SIPA1: variants seen among roughly 807,000 people sequenced by gnomAD.
SIPA1 encodes signal-induced proliferation-associated protein 1.
SIPA1 carries 51 observed loss-of-function variants against 88.1 expected under a neutral mutation model. The observed-to-expected ratio is 0.58, with a 90% CI of 0.46 to 0.73. The LOEUF (loss-of-function observed/expected upper bound fraction) is 0.73, where lower values mean the gene tolerates loss of function less well. Among genes scored for constraint, SIPA1 ranks in the 30% least tolerant of loss-of-function variants. SIPA1 has a pLI of 0.00. For missense variants in SIPA1, 1,348 were observed against 1,467.6 expected (o/e 0.92, Z 1.33); for synonymous variants, 681 against 664.8 (o/e 1.02, Z -0.37).
At position 65,647,420 on chromosome 11, in the gene SIPA1, C is replaced by G; in HGVS notation, c.2068C>G (p.Leu690Val). 1 of 1,473,754 alleles carries G rather than the reference C, an allele frequency of 6.8e-7. No individual in the cohort carries two copies. The highest frequency in any genetic ancestry group is 1.3e-5 in the South Asian group (1 of 79,214). 91.3% of individuals were successfully genotyped at this position (1,473,754 alleles called of 1,614,324 possible). A position where few individuals can be genotyped will look rare whatever the true frequency, so the allele number is the denominator to read the frequency against. Residue 690 changes from leucine to valine, a missense_variant, in exon 9 of 16, where the codon CTG (leucine) becomes GTG (valine). Physicochemically the swap from Leu to Val is conservative, Grantham distance 32 (BLOSUM62 1). This residue lies in a region of SIPA1 where 615 missense variants were observed against 559.8 expected (regional missense o/e 1.10). Transcript: ENST00000534313. Reference protein sequence around the residue: ...SRGCETRELALPRDGQGRLGF... With the variant: ...SRGCETRELAVPRDGQGRLGF... ...TGGCTGCGAGACCCGCGAGCTGGCG[C>G]TGCCCCGCGACGGTCAAGGCCGCCT...
intron 14 of SIPA1, 49 bp from the exon 15 acceptor site, chr11:65,650,352 C>G: frequency 6.3e-7 from 1 of 1,590,616 alleles, no homozygotes; most frequent in Non-Finnish European, 8.6e-7. Flanking sequence ...TCAGCTGGTG[C>G]ACTGCCCCCT....
Position 65,649,468 on chromosome 11 carries a change from T to G in SIPA1, c.2513T>G (p.Leu838Arg). 6.2e-7 allele frequency: 1 copy of G among 1,613,168 alleles called. No individual in the cohort carries two copies. The highest frequency in any genetic ancestry group is 1.1e-5 in the South Asian group (1 of 90,946). Residue 838 changes from leucine to arginine, a missense_variant, in exon 10 of 16, where the codon CTG becomes CGG. Coordinates refer to ENST00000534313, the MANE Select transcript of SIPA1 (RefSeq NM_006747.4). The stretch of plus-strand genomic sequence containing the variant: ...GAGTTCCTGCACAGCCAGAACTCGC[T>G]GTCACCACGCAGGTGCACACTCTTG... ...RTEFLHSQNS[L>R]SPRSSLSDEA...
At position 65,642,905 on chromosome 11, in the gene SIPA1, A is replaced by ATTTATTTATTTG. The variant is rs1856037795; in HGVS notation, c.984+277_984+278insGTTTATTTATTT. 6.9e-6 allele frequency among the ~76,000 whole-genome samples: 1 copy of ATTTATTTATTTG among 145,020 alleles called. No individual in the cohort carries two copies. The highest frequency in any genetic ancestry group is 6.8e-5 in the Admixed American group (1 of 14,798). ...CCATCTGAATCAGAGTTTGCACTTT[A>ATTTATTTATTTG]TTTATTTATTTATTTATTTATTTAT... On this transcript the variant is annotated intron_variant, in intron 4 of 15. Transcript: ENST00000534313. This position sits in a 1 kb window ranked among gnomAD's most constrained non-coding sequence, Gnocchi z 6.5.
At position 65,649,651 on chromosome 11, in the gene SIPA1, C is replaced by CA; in HGVS notation, c.2617dup (p.Ser873LysfsTer2). 1 of 1,614,082 alleles carries CA rather than the reference C, an allele frequency of 6.2e-7. No individual in the cohort carries two copies. The highest frequency in any genetic ancestry group is 8.5e-7 in the Non-Finnish European group (1 of 1,180,034). ...CCAAGCCATCAGTACCCAGTGCTGA[C>CA]AGTGAGACACCCCTGACCCAGGTGA... On this transcript the variant is annotated frameshift_variant, in exon 11 of 16. Transcript: ENST00000534313. LOFTEE classifies it high-confidence loss of function.
In SIPA1 at chr11:65,640,950, GC is replaced by G; in HGVS notation, c.32del (p.Pro11LeufsTer26). On this transcript the variant is annotated frameshift_variant, in exon 2 of 16. Transcript: ENST00000534313. LOFTEE classifies it high-confidence loss of function. ...CCCATGTGGGCCGGCGGTGTGGGGA[GC>G]CCTCGGCGGGGCATGGCCCCTGCGT... The part of the protein sequence containing the change: MPMWAGGVG[S>X]PRRGMAPAST... The G allele has an allele frequency of 6.5e-7, 1 of 1,543,790 alleles. No individual in the cohort carries two copies. Among genetic ancestry groups the G allele is most frequent in the South Asian group, 1.2e-5 (1 of 81,132 alleles).
chr11:65,640,466 TCCCAG>T (rs1855978698), intron 1 of SIPA1, among the ~76,000 whole-genome samples: 1 of 152,162 alleles, frequency 6.6e-6, no homozygotes, highest in South Asian at 2.1e-4. Context: ...GGGTTTCCCG[TCCCAG>T]CCAATACAAG....
At chr11:65,644,760 C>T (rs1226441013) in intron 4 of SIPA1, among the ~76,000 whole-genome samples, 195 bp from the exon 5 acceptor site, 1 of 152,064 alleles carries the variant, frequency 6.6e-6, no homozygotes, top group Non-Finnish European at 1.5e-5. Context: ...AACCAGCCTC[C>T]TCCCATCCCT....
chr11:65,646,702 C>T lies in SIPA1; in HGVS notation c.1668C>T (p.Gly556=), dbSNP rs1565181799. The T allele has an allele frequency of 6.5e-7, 1 of 1,539,712 alleles. No individual in the cohort carries two copies. Among genetic ancestry groups the T allele is most frequent in the Non-Finnish European group, 8.7e-7 (1 of 1,145,210 alleles). The part of the protein sequence containing the change: ...TTSLDSASRF[G]LPSLGGRRRA... The stretch of plus-strand genomic sequence containing the variant: ...CGCTGGACTCGGCTTCACGCTTCGG[C>T]CTGCCCTCCCTGGGTGGGAGGCGCC... Residue 556 remains glycine, a synonymous_variant, in exon 8 of 16, where the codon GGC becomes GGT. Transcript: ENST00000534313. This position sits in a 1 kb window ranked among gnomAD's most constrained non-coding sequence, Gnocchi z 7.5.
chr11:65,646,629 G>C lies in SIPA1; in HGVS notation c.1595G>C (p.Arg532Pro). 6.5e-7 allele frequency: 1 copy of C among 1,548,382 alleles called. No individual in the cohort carries two copies. Among genetic ancestry groups the C allele is most frequent in the Non-Finnish European group, 8.7e-7 (1 of 1,150,412 alleles). ...RQFHAMATRT[R>P]QQYLQDLATN... ...TTCCACGCCATGGCCACGCGCACCC[G>C]CCAGCAGTACCTGCAAGACCTGGCC... Residue 532 changes from arginine to proline, a missense_variant, in exon 8 of 16, where the codon CGC (arginine) becomes CCC (proline). Arg to Pro is a moderately radical substitution (Grantham distance 103, BLOSUM62 -2). Coordinates refer to ENST00000534313, the MANE Select transcript of SIPA1 (RefSeq NM_006747.4). This position sits in a 1 kb window ranked among gnomAD's most constrained non-coding sequence, Gnocchi z 7.5.
intron 4 of SIPA1, among the ~76,000 whole-genome samples, chr11:65,643,668 G>C (rs1003156753): frequency 6.6e-6 from 1 of 152,252 alleles, no homozygotes; most frequent in Non-Finnish European, 1.5e-5. Context: ...TCCTTGGCCA[G>C]GGTTTTCCAG....
In SIPA1 at chr11:65,642,696, C is replaced by T. The variant is rs572375299; in HGVS notation, c.984+57C>T. On this transcript the variant is annotated intron_variant, in intron 4 of 15. Coordinates refer to ENST00000534313, the MANE Select transcript of SIPA1 (RefSeq NM_006747.4). This position sits in a 1 kb window ranked among gnomAD's most constrained non-coding sequence, Gnocchi z 6.5. ...ACAGCTGGCCCCAGTCTGAACCCAG[C>T]CTGCCCAGCTCCCAAACCCCTAGCC... 9.1e-5 allele frequency: 129 copies of T among 1,424,172 alleles called. 1 individual carries two copies. In the Middle Eastern group the frequency reaches 4.0e-3, roughly 45 times the overall value. 88.2% of individuals were successfully genotyped at this position (1,424,172 alleles called of 1,614,324 possible). A position where few individuals can be genotyped will look rare whatever the true frequency, so the allele number is the denominator to read the frequency against.
chr11:65,649,885 A>G lies in SIPA1; in HGVS notation c.2746+20A>G, dbSNP rs2135534303. ...GCAGGAGTGAGTCTGGACCCAGGAG[A>G]GCAGGGGAGGGGTTGGGGGGTGCTC... On this transcript the variant is annotated intron_variant, in intron 12 of 15. Transcript: ENST00000534313. 6.2e-7 allele frequency: 1 copy of G among 1,613,486 alleles called. No homozygotes were observed. The highest frequency in any genetic ancestry group is 2.2e-5 in the East Asian group (1 of 44,876).
rs149695564 is a variant in SIPA1 at position 65,649,465 on chromosome 11, C to T, written c.2510C>T (p.Ser837Leu). The T allele has an allele frequency of 6.1e-5, 99 of 1,612,464 alleles. No individual in the cohort carries two copies. Among genetic ancestry groups the T allele is most frequent in the Middle Eastern group, 1.6e-4 (1 of 6,080 alleles). ...ACTGAGTTCCTGCACAGCCAGAACT[C>T]GCTGTCACCACGCAGGTGCACACTC... ...ERTEFLHSQN[S>L]LSPRSSLSDE... The change falls in exon 10 of 16, where the codon TCG becomes TTG. Residue 837 changes from serine (S) to leucine (L), a missense_variant. This residue lies in a region of SIPA1 where 615 missense variants were observed against 559.8 expected (regional missense o/e 1.10). Coordinates refer to ENST00000534313, the MANE Select transcript of SIPA1 (RefSeq NM_006747.4).
chr11:65,638,840 C>T (rs1311024934), intron 1 of SIPA1, among the ~76,000 whole-genome samples: 1 of 152,236 alleles, frequency 6.6e-6, no homozygotes, highest in Non-Finnish European at 1.5e-5. Context: ...CAAGAGGCAG[C>T]GCACAGGCTG....
chr11:65,647,872 C>G (rs1033428212), intron 9 of SIPA1, among the ~76,000 whole-genome samples: 1 of 150,012 alleles, frequency 6.7e-6, no homozygotes, highest in African/African-American at 2.4e-5. Context: ...TCTCTCCTCT[C>G]TCTTTTTTTT....
At position 65,649,747 on chromosome 11, in the gene SIPA1, T is replaced by G. The variant is rs1178818687; in HGVS notation, c.2638-10T>G. The G allele has an allele frequency of 6.2e-7, 1 of 1,614,078 alleles. No individual in the cohort carries two copies. The highest frequency in any genetic ancestry group is 8.5e-7 in the Non-Finnish European group (1 of 1,180,026). ...GCATCACTGAATCTGTATCCACTTC[T>G]GTGGCACAGGACAGGCCAGGCAGTC... is the stretch of plus-strand genomic sequence containing the variant. On this transcript the variant is annotated splice_polypyrimidine_tract_variant and intron_variant, in intron 11 of 15. Transcript: ENST00000534313.
At chr11:65,649,113 C>G (rs536171403) in intron 9 of SIPA1, 149 bp from the exon 10 acceptor site, 1 of 609,316 alleles carries the variant, frequency 1.6e-6, no homozygotes, top group African/African-American at 1.9e-5. Flanking sequence ...GAAAAATGGC[C>G]AGTAACCAGG....
chr11:65,645,195 G>T (rs565272009), intron 5 of SIPA1, 66 bp downstream of exon 5: 7 of 1,480,584 alleles, frequency 4.7e-6, no homozygotes, highest in Middle Eastern at 1.9e-4. Context: ...AAATTGCCTT[G>T]TCACTCCTTT....
At chr11:65,647,827 T>C (rs904534902) in intron 9 of SIPA1, among the ~76,000 whole-genome samples, 169 bp downstream of exon 9, 1 of 140,350 alleles carries the variant, frequency 7.1e-6, no homozygotes, top group Non-Finnish European at 1.5e-5. Flanking sequence ...TTCCTGTCTC[T>C]GTCTCTCTCT....
Sources: gnomAD v4.1 joint callset for allele counts (sites outside exome capture counted in the v4.1 genomes callset) on GRCh38, gnomAD v4.1.1 for gene constraint, gnomAD v4.1.1 regional missense constraint, Gnocchi (gnomAD v3.1) non-coding constraint, MANE v1.5 for transcripts, NCBI Gene and HGNC (gene_info 2026-07-23, HGNC 2026-07-21) for gene names.